Variants in ITCH observed in about 807,000 individuals in gnomAD.
The protein encoded by ITCH is itchy E3 ubiquitin protein ligase, also known as E3 ubiquitin-protein ligase Itchy homolog.
In ITCH, 28 loss-of-function variants were observed where a neutral mutation model predicts 126.8. The ratio of observed to expected loss-of-function variants is 0.22; its 90% confidence interval spans 0.16 to 0.30. The LOEUF is 0.30. Ranked by LOEUF, ITCH falls within the 10% of genes least tolerant of loss-of-function variation. The pLI, the probability that ITCH is intolerant of heterozygous loss-of-function variation, is 1.00. For synonymous variants in ITCH, 342 were observed against 340.0 expected, an observed-to-expected ratio of 1.01 and a Z score of -0.06; for missense variants, 631 against 1,032.4, an observed-to-expected ratio of 0.61 and a Z score of 5.33.
chr20:34,457,000 T>G (rs1044872453), intron 12 of ITCH, among the ~76,000 whole-genome samples: 1 of 152,090 alleles, frequency 6.6e-6, no homozygotes, highest in African/African-American at 2.4e-5. Context: ...GGTAGATTAT[T>G]TAACCTATCT....
At chr20:34,399,579 GCC>G (rs144487120) in intron 3 of ITCH, among the ~76,000 whole-genome samples, 1,553 of 151,286 alleles carry the variant, frequency 0.01, 38 homozygotes, top group African/African-American at 0.036. Context: ...GGTGGCTCAT[GCC>G]TGTAATCCCA....
At chr20:34,383,492 G>A (rs947766483) in intron 2 of ITCH, among the ~76,000 whole-genome samples, 1 of 150,208 alleles carries the variant, frequency 6.7e-6, no homozygotes, top group Admixed American at 6.7e-5. Context: ...TCAGCCTCTC[G>A]AGTAGCTGGG....
At chr20:34,456,210 ATATATTTTTTTTTTTT>A (rs1985969317) in intron 12 of ITCH, among the ~76,000 whole-genome samples, 2 of 29,166 alleles carry the variant, frequency 6.9e-5, no homozygotes, top group East Asian at 2.2e-3. Context: ...ATATATATAT[ATATATTTTTTTTTTTT>A]TTTTTTTTTT....
At chr20:34,375,673 C>T (rs954608362) in intron 2 of ITCH, among the ~76,000 whole-genome samples, 3 of 142,490 alleles carry the variant, frequency 2.1e-5, no homozygotes, top group Non-Finnish European at 4.5e-5. Flanking sequence ...TGGGAATACA[C>T]TCACAATGTA....
At chr20:34,437,628 AT>A (rs1243247643) in intron 7 of ITCH, among the ~76,000 whole-genome samples, 1 of 152,036 alleles carries the variant, frequency 6.6e-6, no homozygotes, top group Non-Finnish European at 1.5e-5. Flanking sequence ...AATCTATTAG[AT>A]TTTATTTTGT....
rs945457347 is a variant in ITCH, at chr20:34,511,381, T to C, written c.*3587T>C. The stretch of plus-strand genomic sequence containing the variant: ...TGTAAGACTGTTTATAATTAAACTT[T>C]TTTGGTCCTTCATTTGCATGCTTTT... On this transcript the variant is annotated 3_prime_UTR_variant, in exon 25 of 25. Transcript: ENST00000374864. 2.0e-5 allele frequency: 3 copies of C among 152,194 alleles called. No individual in the cohort carries two copies. Among genetic ancestry groups the C allele is most frequent in the Admixed American group, 6.5e-5 (1 of 15,286 alleles). The allele number at this position is 152,194 out of a possible 1,614,324, so 9.4% of individuals were successfully genotyped here.
At chr20:34,385,306 G>A (rs535576512) in intron 2 of ITCH, among the ~76,000 whole-genome samples, 55 of 143,370 alleles carry the variant, frequency 3.8e-4, no homozygotes, top group African/African-American at 1.3e-3. Context: ...TAGGTGATCC[G>A]CTCACCTTGG....
At position 34,380,741 on chromosome 20, in the gene ITCH, G is replaced by T. The variant is rs138413289; in HGVS notation, c.-22+11271G>T. ...GCTATGATTACAGGCATGAGCCACC[G>T]GCCCTGCCCAAGAAGTTGAGTGCAA... On this transcript the variant is annotated intron_variant, in intron 2 of 24. Coordinates refer to ENST00000374864, the MANE Select transcript of ITCH (RefSeq NM_031483.7). Among the ~76,000 whole-genome samples, 348 of 150,334 alleles carry T rather than the reference G, an allele frequency of 2.3e-3. 1 individual carries two copies. Among genetic ancestry groups the T allele is most frequent in the Middle Eastern group, 3.4e-3 (1 of 292 alleles).
chr20:34,484,173 A>T (rs920989806), intron 20 of ITCH, among the ~76,000 whole-genome samples: 1 of 152,234 alleles, frequency 6.6e-6, no homozygotes, highest in Non-Finnish European at 1.5e-5. Context: ...GGTAAAATTT[A>T]TAACTAAAAT....
At chr20:34,372,506 G>T (rs942166157) in intron 2 of ITCH, among the ~76,000 whole-genome samples, 1 of 146,384 alleles carries the variant, frequency 6.8e-6, no homozygotes, top group Non-Finnish European at 1.5e-5. Flanking sequence ...TCAGCCTCCT[G>T]AGTAGCTGGG....
At chr20:34,402,102 A>G (rs1308412610) in intron 3 of ITCH, 3 of 832,492 alleles carry the variant, frequency 3.6e-6, no homozygotes, top group Admixed American at 2.1e-5. Flanking sequence ...TGCTTTTAGT[A>G]TGATGCCAAC....
chr20:34,423,985 A>G (rs1468531189), intron 6 of ITCH, among the ~76,000 whole-genome samples: 1 of 152,182 alleles, frequency 6.6e-6, no homozygotes, highest in Non-Finnish European at 1.5e-5. Context: ...AAATAAGAAT[A>G]TTGTGGCATT....
At chr20:34,503,397 G>T (rs186506854) in intron 23 of ITCH, among the ~76,000 whole-genome samples, 63 of 152,210 alleles carry the variant, frequency 4.1e-4, no homozygotes, top group South Asian at 2.9e-3. Context: ...GTGTTTTTAT[G>T]ATCACTTTTC....
intron 3 of ITCH, among the ~76,000 whole-genome samples, chr20:34,394,166 T>G (rs1442663265): frequency 7.1e-6 from 1 of 140,284 alleles, no homozygotes; most frequent in Non-Finnish European, 1.5e-5. Context: ...GAGCTGAGTT[T>G]GCGCCACTGC....
In ITCH at chr20:34,470,108, G is replaced by C. The variant is rs1339567207; in HGVS notation, c.1485G>C (p.Arg495=). 2 of 1,613,374 alleles carry C rather than the reference G, an allele frequency of 1.2e-6. No homozygotes were observed. The highest frequency in any genetic ancestry group is 2.7e-5 in the African/African-American group (2 of 74,888). The change falls in exon 15 of 25, where the codon CGG becomes CGC. Residue 495 remains arginine (R), a synonymous_variant. Transcript: ENST00000374864. ...TCAAAGCAAAGGTTCAGTATTTCCG[G>C]TTCTGGTGTCAGGTTAGTATTGGAA... ...RDFKAKVQYF[R]FWCQQLAMPQ... is the part of the protein sequence containing the mutation.
In ITCH at chr20:34,489,555, TAAAAC is replaced by T. The variant is rs1382867729; in HGVS notation, c.2214+172_2214+176del. ...AAGAAAATCATAATTTATCCAAAGA[TAAAAC>T]AATAGTATTACCCCCTCCAAAGTAC... On this transcript the variant is annotated intron_variant, in intron 21 of 24. Transcript: ENST00000374864. 9.2e-5 allele frequency among the ~76,000 whole-genome samples: 14 copies of T among 152,316 alleles called. No individual in the cohort carries two copies. In the South Asian group the frequency reaches 2.5e-3, roughly 27 times the overall value.
At chr20:34,387,133 T>C (rs2038311858) in intron 2 of ITCH, among the ~76,000 whole-genome samples, 1 of 151,138 alleles carries the variant, frequency 6.6e-6, no homozygotes, top group Non-Finnish European at 1.5e-5. Flanking sequence ...CAAAACCCCA[T>C]CTCTACTAAA....
intron 3 of ITCH, among the ~76,000 whole-genome samples, chr20:34,403,085 AG>A: frequency 1.3e-5 from 2 of 152,244 alleles, no homozygotes; most frequent in Middle Eastern, 6.8e-3. Context: ...AGTTCTCCAC[AG>A]GCAGGGCAGA....
intron 14 of ITCH, among the ~76,000 whole-genome samples, chr20:34,467,770 C>T (rs1473424631): frequency 6.8e-6 from 1 of 148,088 alleles, no homozygotes; most frequent in Non-Finnish European, 1.5e-5. Context: ...ACCGCAACCT[C>T]GGCCTCCCTG....
Sources: gnomAD v4.1 joint callset for allele counts (sites outside exome capture counted in the v4.1 genomes callset) on GRCh38, gnomAD v4.1.1 for gene constraint, MANE v1.5 for transcripts, NCBI Gene and HGNC (gene_info 2026-07-23, HGNC 2026-07-21) for gene names.